The following JAK2 variants were observed in gnomAD, a reference collection of about 807,000 sequenced individuals.
JAK2 encodes tyrosine-protein kinase JAK2.
Under a neutral mutation model 139.3 loss-of-function variants are expected in JAK2, and 86 were observed. That is an observed-to-expected ratio of 0.62 (90% CI 0.52 to 0.74). The LOEUF (loss-of-function observed/expected upper bound fraction) is 0.74, where lower values mean the gene tolerates loss of function less well. Among genes scored for constraint, JAK2 ranks in the 30% least tolerant of loss-of-function variants. The pLI, the probability that JAK2 is intolerant of heterozygous loss-of-function variation, is 0.00. For missense variants in JAK2, 1,421 were observed against 1,360.3 expected (o/e 1.04, Z -0.70); for synonymous variants, 490 against 437.7 (o/e 1.12, Z -1.49).
At chr9:5,085,058 G>A (rs1031668884) in intron 19 of JAK2, 1 of 715,734 alleles carries the variant, frequency 1.4e-6, no homozygotes, top group African/African-American at 1.8e-5. Flanking sequence ...CTGGGGATGA[G>A]AAGTTTACTG....
In JAK2 at chr9:5,127,578, T is replaced by C. The variant is rs975027006; in HGVS notation, c.*787T>C. ...AATGTGTTTTTTAAATGGAACTATC[T>C]CCAAATTTTTCTAAGACTACTATGA... On this transcript the variant is annotated 3_prime_UTR_variant, in exon 25 of 25. Coordinates refer to ENST00000381652, the MANE Select transcript of JAK2 (RefSeq NM_004972.4). The C allele has an allele frequency of 3.0e-5, 7 of 231,504 alleles. No individual in the cohort carries two copies. Among genetic ancestry groups the C allele is most frequent in the Admixed American group, 2.8e-4 (5 of 17,698 alleles). The allele number at this position is 231,504 out of a possible 1,614,324, so 14.3% of individuals were successfully genotyped here. A position where few individuals can be genotyped will look rare whatever the true frequency, so the allele number is the denominator to read the frequency against.
chr9:5,012,965 G>T (rs886308167), intron 2 of JAK2, among the ~76,000 whole-genome samples: 1 of 152,120 alleles, frequency 6.6e-6, no homozygotes, highest in Non-Finnish European at 1.5e-5. Context: ...GCTGTTTAGT[G>T]TATGATGGTA....
chr9:5,124,244 T>A (rs1162719754), intron 23 of JAK2, among the ~76,000 whole-genome samples: 1 of 151,956 alleles, frequency 6.6e-6, no homozygotes, highest in Non-Finnish European at 1.5e-5. Context: ...TTTGGTTTTG[T>A]TGCCTATGCT....
At chr9:5,124,187 T>C (rs1375302420) in intron 23 of JAK2, among the ~76,000 whole-genome samples, 1 of 151,980 alleles carries the variant, frequency 6.6e-6, no homozygotes, top group Non-Finnish European at 1.5e-5. Flanking sequence ...ATTATTGATT[T>C]TGCTATGCTG....
chr9:5,025,763 T>G (rs1407681251), intron 3 of JAK2, among the ~76,000 whole-genome samples: 1 of 152,090 alleles, frequency 6.6e-6, no homozygotes, highest in Non-Finnish European at 1.5e-5. Context: ...AACTCCTGAC[T>G]TCAGGTGATC....
intron 22 of JAK2, chr9:5,110,767 G>C (rs1398375708): frequency 2.6e-6 from 1 of 389,032 alleles, no homozygotes; most frequent in East Asian, 6.1e-5. Context: ...GACTGGCCAT[G>C]CAGGAGTGGT....
At chr9:5,007,520 T>G (rs2129918563) in intron 2 of JAK2, among the ~76,000 whole-genome samples, 1 of 152,232 alleles carries the variant, frequency 6.6e-6, no homozygotes, top group South Asian at 2.1e-4. Flanking sequence ...ACGTGAGTTT[T>G]TTTTGTTGAG....
intron 20 of JAK2, among the ~76,000 whole-genome samples, chr9:5,090,150 A>T (rs537508244): frequency 6.6e-6 from 1 of 152,290 alleles, no homozygotes; most frequent in African/African-American, 2.4e-5. Context: ...TTTTGAATTC[A>T]ATGTTTTTTG....
rs202237966 is a variant in JAK2 at position 5,089,770 on chromosome 9, G to A, written c.2668G>A (p.Glu890Lys). The A allele has an allele frequency of 1.3e-5, 21 of 1,599,002 alleles. No individual in the cohort carries two copies. The East Asian group carries it at 4.9e-4, about 37-fold the overall frequency. ...AVKKLQHSTE[E>K]HLRDFEREIE... ...AAAAAAGCTTCAGCATAGTACTGAAGAGCACCTAAGAGACTTTGAAAGGGA... is the reference window on the plus strand; with the variant it reads ...AAAAAAGCTTCAGCATAGTACTGAAAAGCACCTAAGAGACTTTGAAAGGGA... The change falls in exon 20 of 25, where the codon GAG becomes AAG. Residue 890 changes from glutamate to lysine, a missense_variant. Glu to Lys is a moderately conservative substitution (Grantham distance 56). Coordinates refer to ENST00000381652, the MANE Select transcript of JAK2 (RefSeq NM_004972.4).
chr9:5,104,052 A>T (rs1165655307), intron 22 of JAK2, among the ~76,000 whole-genome samples: 1 of 152,224 alleles, frequency 6.6e-6, no homozygotes, highest in Non-Finnish European at 1.5e-5. Flanking sequence ...GCAGAAGGCA[A>T]GAAATAACTA....
chr9:5,119,900 G>A (rs934494091), intron 22 of JAK2, among the ~76,000 whole-genome samples: 8 of 152,070 alleles, frequency 5.3e-5, no homozygotes, highest in African/African-American at 1.9e-4. Flanking sequence ...ACAATGAAAT[G>A]AAGTTCATTA....
chr9:5,050,664 T>G (rs1221139677), intron 5 of JAK2, 22 bp from the exon 6 acceptor site: 1 of 1,603,112 alleles, frequency 6.2e-7, no homozygotes. Context: ...ATGAGATATT[T>G]CCTTCAAATT....
chr9:5,019,675 G>T (rs967031331), intron 2 of JAK2, among the ~76,000 whole-genome samples: 6 of 151,848 alleles, frequency 4.0e-5, no homozygotes, highest in Admixed American at 3.3e-4. Flanking sequence ...CCATTTTTTT[G>T]AATTTGCTTT....
chr9:5,107,105 T>C (rs1336235050), intron 22 of JAK2, among the ~76,000 whole-genome samples: 1 of 152,182 alleles, frequency 6.6e-6, no homozygotes, highest in African/African-American at 2.4e-5. Flanking sequence ...TGACACTTTG[T>C]AGATGTAGTA....
chr9:5,071,804 C>G (rs929132139), intron 12 of JAK2, among the ~76,000 whole-genome samples: 7 of 152,124 alleles, frequency 4.6e-5, no homozygotes, highest in Non-Finnish European at 1.0e-4. Flanking sequence ...ACTAACATTA[C>G]AAATCTAATA....
chr9:5,042,124 C>CTTTTTTT lies in JAK2; in HGVS notation c.351-2261_351-2255dup, dbSNP rs71326152. On this transcript the variant is annotated intron_variant, in intron 4 of 24. Coordinates refer to ENST00000381652, the MANE Select transcript of JAK2 (RefSeq NM_004972.4). ...CTTCACGTAAGACTGGCCAAAATTT[C>CTTTTTTT]TTTTTTTTTTTTTTTTTTTTTTTTG... 6.9e-4 allele frequency among the ~76,000 whole-genome samples: 74 copies of CTTTTTTT among 107,612 alleles called. 1 individual carries two copies. Among genetic ancestry groups the CTTTTTTT allele is most frequent in the African/African-American group, 2.6e-3 (67 of 26,078 alleles). 70.6% of individuals were successfully genotyped at this position (107,612 alleles called of 152,430 possible).
chr9:5,044,089 T>C (rs558140110), intron 4 of JAK2, among the ~76,000 whole-genome samples: 63 of 152,378 alleles, frequency 4.1e-4, no homozygotes, highest in Non-Finnish European at 6.9e-4. Context: ...TCAGATTCCC[T>C]ACTGATGTTA....
intron 4 of JAK2, among the ~76,000 whole-genome samples, chr9:5,030,715 C>A (rs1461560282): frequency 1.3e-5 from 2 of 151,874 alleles, no homozygotes; most frequent in Non-Finnish European, 2.9e-5. Flanking sequence ...TATTATTGTG[C>A]CTATCACTTG....
In JAK2 at chr9:5,086,808, C is replaced by G. The variant is rs946128725; in HGVS notation, c.2572-2866C>G. 2.8e-4 allele frequency among the ~76,000 whole-genome samples: 42 copies of G among 152,160 alleles called. 1 individual carries two copies. Among genetic ancestry groups the G allele is most frequent in the Admixed American group, 1.7e-3 (26 of 15,288 alleles). ...TTGCTAGTGTCTTTCACACTTTCTT[C>G]TTATTGGAACGTAAATTGGTGACCC... On this transcript the variant is annotated intron_variant, in intron 19 of 24. Coordinates refer to ENST00000381652, the MANE Select transcript of JAK2 (RefSeq NM_004972.4).
Sources: gnomAD v4.1 joint callset for allele counts (sites outside exome capture counted in the v4.1 genomes callset) on GRCh38, gnomAD v4.1.1 for gene constraint, MANE v1.5 for transcripts, NCBI Gene and HGNC (gene_info 2026-07-23, HGNC 2026-07-21) for gene names.